The following ROBO2 variants were observed in gnomAD, a reference collection of about 807,000 sequenced individuals.
ROBO2 encodes roundabout homolog 2.
A neutral mutation model predicts 160.8 loss-of-function variants in ROBO2; 53 were observed. That is an observed-to-expected ratio of 0.33 (90% CI 0.26 to 0.41). ROBO2 has a LOEUF of 0.41. Among genes scored for constraint, ROBO2 ranks in the 10% least tolerant of loss-of-function variants. ROBO2 has a pLI of 1.00. For missense variants in ROBO2, 1,577 were observed against 1,722.4 expected (o/e 0.92, Z 1.49); for synonymous variants, 664 against 611.7 (o/e 1.09, Z -1.26).
Position 76,271,842 on chromosome 3 carries a change from T to G in ROBO2, c.109+334240T>G, listed in dbSNP as rs1025594030. Among the ~76,000 whole-genome samples, 136 of 152,058 alleles carry G rather than the reference T, an allele frequency of 8.9e-4. 1 individual carries two copies. Among genetic ancestry groups the G allele is most frequent in the African/African-American group, 3.1e-3 (128 of 41,420 alleles). On this transcript the variant is annotated intron_variant, in intron 2 of 26. Transcript: ENST00000487694. ...TTTGTATTTCATGATAAAATCAGACTCGATAAATACTAGTTCTTAAAATAT... is the reference window on the plus strand; with the variant it reads ...TTTGTATTTCATGATAAAATCAGACGCGATAAATACTAGTTCTTAAAATAT...
chr3:76,966,671 G>A (rs1227752205), intron 2 of ROBO2, among the ~76,000 whole-genome samples: 1 of 152,218 alleles, frequency 6.6e-6, no homozygotes, highest in East Asian at 1.9e-4. Flanking sequence ...TGCCAACTAT[G>A]TGACTTCCAG....
chr3:76,435,598 G>A (rs989284867), intron 2 of ROBO2, among the ~76,000 whole-genome samples: 10 of 152,162 alleles, frequency 6.6e-5, no homozygotes, highest in African/African-American at 2.4e-4. Flanking sequence ...GAAATTTGGG[G>A]TGGGATAGCA....
At chr3:77,016,831 T>C (rs2062295843) in intron 2 of ROBO2, among the ~76,000 whole-genome samples, 1 of 152,198 alleles carries the variant, frequency 6.6e-6, no homozygotes, top group African/African-American at 2.4e-5. Context: ...ATCATTTGAA[T>C]ATACAATAAG....
chr3:77,645,553 G>T (rs957357177), intron 25 of ROBO2, among the ~76,000 whole-genome samples: 3 of 152,066 alleles, frequency 2.0e-5, no homozygotes, highest in African/African-American at 7.2e-5. Flanking sequence ...ATACAGCTTT[G>T]CATTATCAGA....
At chr3:76,241,576 CT>C (rs1446793532) in intron 2 of ROBO2, among the ~76,000 whole-genome samples, 1 of 152,132 alleles carries the variant, frequency 6.6e-6, no homozygotes, top group Non-Finnish European at 1.5e-5. Flanking sequence ...AGTTATATTA[CT>C]AAGTGAATAG....
intron 2 of ROBO2, among the ~76,000 whole-genome samples, chr3:76,778,989 TC>T (rs1035525260): frequency 6.6e-6 from 1 of 151,028 alleles, no homozygotes; most frequent in Non-Finnish European, 1.5e-5. Flanking sequence ...ACTCCTTATC[TC>T]CCAATGGTAA....
At chr3:77,382,618 T>A (rs1408231223) in intron 2 of ROBO2, among the ~76,000 whole-genome samples, 1 of 152,166 alleles carries the variant, frequency 6.6e-6, no homozygotes, top group African/African-American at 2.4e-5. Flanking sequence ...CCACTCTGTC[T>A]GCCTTTGCAT....
chr3:76,051,142 A>C (rs1027623686), intron 2 of ROBO2, among the ~76,000 whole-genome samples: 1 of 152,174 alleles, frequency 6.6e-6, no homozygotes. Flanking sequence ...GGCTGAAAAA[A>C]AATTGACTTA....
At chr3:76,765,910 T>C (rs935826634) in intron 2 of ROBO2, among the ~76,000 whole-genome samples, 42 of 151,678 alleles carry the variant, frequency 2.8e-4, no homozygotes, top group African/African-American at 1.0e-3. Flanking sequence ...ACATCAATCG[T>C]AACTGGAATC....
intron 13 of ROBO2, 84 bp from the exon 15 acceptor site, chr3:77,574,415 G>C (rs2093710735): frequency 8.7e-7 from 1 of 1,154,860 alleles, no homozygotes; most frequent in Non-Finnish European, 1.3e-6. Flanking sequence ...GGACAGAAAT[G>C]GGACAAATGA....
intron 2 of ROBO2, among the ~76,000 whole-genome samples, chr3:76,658,030 G>A (rs2091648409): frequency 6.8e-6 from 1 of 146,498 alleles, no homozygotes; most frequent in African/African-American, 2.5e-5. Flanking sequence ...TTATGCCACG[G>A]CACTCCAGCT....
intron 21 of ROBO2, among the ~76,000 whole-genome samples, chr3:77,615,686 A>C (rs1376862145): frequency 6.6e-6 from 1 of 152,168 alleles, no homozygotes; most frequent in Admixed American, 6.5e-5. Flanking sequence ...TTTAGCAACG[A>C]ATAATATTCC....
At chr3:77,506,956 T>A (rs1486288981) in intron 5 of ROBO2, among the ~76,000 whole-genome samples, 3 of 152,164 alleles carry the variant, frequency 2.0e-5, no homozygotes. Context: ...GAAGAGGACC[T>A]GTTGGTTTTC....
intron 2 of ROBO2, among the ~76,000 whole-genome samples, chr3:77,231,786 C>A (rs1560297275): frequency 6.6e-6 from 1 of 152,170 alleles, no homozygotes; most frequent in African/African-American, 2.4e-5. Flanking sequence ...TCCACGGATT[C>A]TTTGTCTCCA....
At chr3:75,963,321 G>C (rs1021319284) in intron 2 of ROBO2, among the ~76,000 whole-genome samples, 8 of 151,650 alleles carry the variant, frequency 5.3e-5, no homozygotes, top group Non-Finnish European at 1.2e-4. Context: ...CAAGTAGCTA[G>C]AACTACAGGT....
chr3:76,900,138 G>A (rs561163084), intron 2 of ROBO2, among the ~76,000 whole-genome samples: 29 of 152,082 alleles, frequency 1.9e-4, no homozygotes, highest in Non-Finnish European at 3.1e-4. Context: ...TTTAAAACCA[G>A]CAGATTTCAT....
At chr3:77,591,603 C>T (rs1217308704) in intron 17 of ROBO2, among the ~76,000 whole-genome samples, 1 of 152,098 alleles carries the variant, frequency 6.6e-6, no homozygotes, top group Non-Finnish European at 1.5e-5. Flanking sequence ...TTTTTGGAAA[C>T]CTTAGCCCTA....
chr3:76,454,575 CAACTA>C (rs1278173953), intron 2 of ROBO2, among the ~76,000 whole-genome samples: 1 of 152,070 alleles, frequency 6.6e-6, no homozygotes, highest in East Asian at 1.9e-4. Flanking sequence ...TGAATATGAA[CAACTA>C]TTTAACTTCC....
At chr3:77,532,662 C>T (rs953173429) in intron 6 of ROBO2, among the ~76,000 whole-genome samples, 5 of 151,626 alleles carry the variant, frequency 3.3e-5, no homozygotes, top group Non-Finnish European at 5.9e-5. Flanking sequence ...CAATATACCG[C>T]GTCTCTAACT....
Sources: gnomAD v4.1 joint callset for allele counts (sites outside exome capture counted in the v4.1 genomes callset) on GRCh38, gnomAD v4.1.1 for gene constraint, MANE v1.5 for transcripts, NCBI Gene and HGNC (gene_info 2026-07-23, HGNC 2026-07-21) for gene names.